Variants in FANCE observed in about 807,000 individuals in gnomAD.
FANCE encodes the protein Fanconi anemia group E protein.
In FANCE, 42 loss-of-function variants were observed where a neutral mutation model predicts 57.8. That is an observed-to-expected ratio of 0.73 (90% confidence interval 0.57 to 0.94). FANCE has a LOEUF of 0.94. Ranked by LOEUF, FANCE falls within the 40% of genes least tolerant of loss-of-function variation. The probability of loss-of-function intolerance (pLI) is 0.00; values close to 1 mark genes in which losing one functional copy is unlikely to be tolerated. For synonymous variants in FANCE, 251 were observed against 286.4 expected, an observed-to-expected ratio of 0.88 and a Z score of 1.25; for missense variants, 608 against 661.8, an observed-to-expected ratio of 0.92 and a Z score of 0.89.
At chr6:35,459,901 T>G (rs45523231) in intron 7 of FANCE, 141 bp downstream of exon 7, 41 of 722,524 alleles carry the variant, frequency 5.7e-5, no homozygotes, top group Non-Finnish European at 8.4e-5. Flanking sequence ...ATCCTCTTTC[T>G]CCTTTATGAG....
At chr6:35,462,119 T>TATTA (rs200925403) in intron 8 of FANCE, among the ~76,000 whole-genome samples, 1 of 149,476 alleles carries the variant, frequency 6.7e-6, no homozygotes, top group African/African-American at 2.5e-5. Flanking sequence ...TAATTATTAT[T>TATTA]TTTTTTGAGA....
Position 35,458,100 on chromosome 6 carries a change from TTC to T in FANCE, c.969+123_969+124del, listed in dbSNP as rs764663325. ...AAATGTGGGAGGGGATTTTGTTGTT[TTC>T]TCTCTCAGCGATAGGGGTCACCCTG... On this transcript the variant is annotated intron_variant, in intron 4 of 9. Transcript: ENST00000229769. The T allele has an allele frequency of 1.1e-4, 139 of 1,274,770 alleles. 1 individual carries two copies. The South Asian group carries it at 1.7e-3, about 15-fold the overall frequency. 79.0% of individuals were successfully genotyped at this position (1,274,770 alleles called of 1,614,324 possible). A position where few individuals can be genotyped will look rare whatever the true frequency, so the allele number is the denominator to read the frequency against.
chr6:35,455,785 G>A lies in FANCE; in HGVS notation c.287G>A (p.Arg96Lys), dbSNP rs2150889903. The A allele has an allele frequency of 6.2e-7, 1 of 1,614,174 alleles. No individual in the cohort carries two copies. Among genetic ancestry groups the A allele is most frequent in the East Asian group, 2.2e-5 (1 of 44,876 alleles). Residue 96 changes from arginine (R) to lysine (K), a missense_variant, in exon 2 of 10, where the codon AGG becomes AAG. By Grantham distance (26) the Arg-to-Lys change is conservative (BLOSUM62 2). Transcript: ENST00000229769. ...LLLRLPRICQ[R>K]NLMSLLMAVR... ...CTGCGATTGCCCCGGATATGCCAGA[G>A]GAACCTGATGTCCCTGCTGATGGCC...
intron 8 of FANCE, among the ~76,000 whole-genome samples, chr6:35,462,396 C>T (rs187738958): frequency 7.2e-5 from 11 of 152,132 alleles, no homozygotes; most frequent in Non-Finnish European, 1.2e-4. Context: ...CATGAGCCAC[C>T]GTGCCTAGCA....
chr6:35,465,247 C>G (rs1001827078), intron 9 of FANCE, among the ~76,000 whole-genome samples: 3 of 152,006 alleles, frequency 2.0e-5, no homozygotes, highest in African/African-American at 7.3e-5. Flanking sequence ...GATCTTGGCT[C>G]ACTGCAACCT....
At chr6:35,458,276 C>T (rs898909148) in intron 4 of FANCE, 21 bp from the exon 5 acceptor site, 3 of 1,612,352 alleles carry the variant, frequency 1.9e-6, no homozygotes, top group Admixed American at 1.7e-5. Flanking sequence ...TGTCCTCTCT[C>T]CCCCCGCACT....
Position 35,460,582 on chromosome 6 carries a change from A to C in FANCE, c.1347A>C (p.Glu449Asp). Residue 449 changes from glutamate to aspartate, a missense_variant, in exon 8 of 10, where the codon GAA becomes GAC. Transcript: ENST00000229769. ...GQILELPWKE[E>D]TFLVLQSLLE... Reference sequence around the variant, plus strand: ...TCTTGGAGCTGCCCTGGAAGGAGGAAACTTTCTTGGTGTTGCAGTCACTCC... The same window carrying C: ...TCTTGGAGCTGCCCTGGAAGGAGGACACTTTCTTGGTGTTGCAGTCACTCC... 6.2e-7 allele frequency: 1 copy of C among 1,614,056 alleles called. No individual in the cohort carries two copies. The highest frequency in any genetic ancestry group is 8.5e-7 in the Non-Finnish European group (1 of 1,179,980).
intron 9 of FANCE, among the ~76,000 whole-genome samples, chr6:35,465,275 G>C (rs1306012614): frequency 6.6e-6 from 1 of 152,134 alleles, no homozygotes; most frequent in Non-Finnish European, 1.5e-5. Flanking sequence ...CTGGGTTCAA[G>C]TGATTCCCCT....
chr6:35,452,852 C>G, intron 1 of FANCE, 59 bp downstream of exon 1: 2 of 1,263,790 alleles, frequency 1.6e-6, no homozygotes, highest in Non-Finnish European at 2.0e-6. Flanking sequence ...GTCGGGGGAA[C>G]GACACACACA....
chr6:35,459,389 G>A lies in FANCE; in HGVS notation c.1172G>A (p.Cys391Tyr), dbSNP rs1767494565. 6.2e-7 allele frequency: 1 copy of A among 1,613,948 alleles called. No individual in the cohort carries two copies. The highest frequency in any genetic ancestry group is 2.2e-5 in the East Asian group (1 of 44,890). The change falls in exon 6 of 10, where the codon TGT becomes TAT. Residue 391 changes from cysteine (C) to tyrosine (Y), a missense_variant. Cys to Tyr is a radical substitution (Grantham distance 194). Transcript: ENST00000229769. The stretch of plus-strand genomic sequence containing the variant: ...CTTACAACTGCCCTGACCTCCTTCT[G>A]TGCCAAATATACATACCCTGTCTGC... ...RLLTTALTSF[C>Y]AKYTYPVCSA...
intron 5 of FANCE, 54 bp from the exon 6 acceptor site, chr6:35,459,277 T>A: frequency 6.2e-7 from 1 of 1,606,946 alleles, no homozygotes; most frequent in Non-Finnish European, 8.5e-7. Flanking sequence ...ATTTGATAAA[T>A]GCTGTTGAAA....
Position 35,466,606 on chromosome 6 carries a change from C to T in FANCE, c.*261C>T. 1 of 481,976 alleles carries T rather than the reference C, an allele frequency of 2.1e-6. No homozygotes were observed. The highest frequency in any genetic ancestry group is 5.9e-4 in the Middle Eastern group (1 of 1,684). The allele number at this position is 481,976 out of a possible 1,614,324, so 29.9% of individuals were successfully genotyped here. ...TTGAGAGAAGGTATTGCTCTGTCAT[C>T]CAGGCTGGAGTGCAGTGATGCGATT... On this transcript the variant is annotated 3_prime_UTR_variant, in exon 10 of 10. Coordinates refer to ENST00000229769, the MANE Select transcript of FANCE (RefSeq NM_021922.3).
chr6:35,459,368 C>T lies in FANCE; in HGVS notation c.1151C>T (p.Thr384Ile). Residue 384 changes from threonine (T) to isoleucine (I), a missense_variant, in exon 6 of 10, where the codon ACA (threonine) becomes ATA (isoleucine). Transcript: ENST00000229769. ...ACTTCCTCAGCCTCCCGCCTGCTTA[C>T]AACTGCCCTGACCTCCTTCTGTGCC... is the stretch of plus-strand genomic sequence containing the variant. ...SLTSSASRLL[T>I]TALTSFCAKY... 6.2e-7 allele frequency: 1 copy of T among 1,614,172 alleles called. No individual in the cohort carries two copies. The highest frequency in any genetic ancestry group is 8.5e-7 in the Non-Finnish European group (1 of 1,180,038).
Position 35,466,293 on chromosome 6 carries a change from C to A in FANCE, c.1559C>A (p.Thr520Asn), listed in dbSNP as rs1246382626. The change falls in exon 10 of 10, where the codon ACC becomes AAC. Residue 520 changes from threonine (T) to asparagine (N), a missense_variant. Transcript: ENST00000229769. ...CTGGCTATGGCCCTAGAACCTAACACCACCTTCCTGAGGAAGTCCCTGAAG... is the reference window on the plus strand; with the variant it reads ...CTGGCTATGGCCCTAGAACCTAACAACACCTTCCTGAGGAAGTCCCTGAAG... ...LGLAMALEPN[T>N]TFLRKSLKAA... 1.2e-6 allele frequency: 2 copies of A among 1,613,962 alleles called. No homozygotes were observed. Among genetic ancestry groups the A allele is most frequent in the Non-Finnish European group, 1.7e-6 (2 of 1,179,934 alleles).
chr6:35,456,443 A>G lies in FANCE; in HGVS notation c.855+90A>G, dbSNP rs979160895. On this transcript the variant is annotated intron_variant, in intron 2 of 9. Transcript: ENST00000229769. The surrounding 1 kb of genome is among the most constrained non-coding windows in gnomAD (Gnocchi z 4.3). ...AGGCTGCTTGGGACACTTTTTCCCA[A>G]TGGAGTTGACTGTAGTTCCTGGAGG... The G allele has an allele frequency of 1.4e-5, 21 of 1,547,980 alleles. No individual in the cohort carries two copies. The highest frequency in any genetic ancestry group is 1.8e-5 in the Non-Finnish European group (20 of 1,121,776).
Position 35,457,918 on chromosome 6 carries a change from G to C in FANCE, c.903G>C (p.Gly301=), listed in dbSNP as rs781287698. ...TAACATGAGATTTGTCTCCCCAGGG[G>C]TTAGAGGGATTGGAGGATGCCCCCC... ...LQQLLKTLEE[G]LEGLEDAPPV... Residue 301 remains glycine, a splice_region_variant and synonymous_variant, in exon 4 of 10, where the codon GGG becomes GGC. Transcript: ENST00000229769. The C allele has an allele frequency of 1.5e-5, 25 of 1,613,912 alleles. No individual in the cohort carries two copies. The highest frequency in any genetic ancestry group is 8.5e-7 in the Non-Finnish European group (1 of 1,179,918).
intron 1 of FANCE, among the ~76,000 whole-genome samples, chr6:35,455,157 T>C (rs1238307365): frequency 6.6e-6 from 1 of 152,206 alleles, no homozygotes; most frequent in African/African-American, 2.4e-5. Context: ...AAAACAAGCA[T>C]GAATCTATTA....
intron 9 of FANCE, among the ~76,000 whole-genome samples, chr6:35,463,954 G>A (rs936822444): frequency 1.4e-4 from 22 of 151,942 alleles, no homozygotes; most frequent in African/African-American, 4.6e-4. Context: ...GTGAGCTGTC[G>A]TGCCCAGACT....
intron 2 of FANCE, among the ~76,000 whole-genome samples, chr6:35,457,301 T>C (rs973320796): frequency 1.3e-5 from 2 of 151,986 alleles, no homozygotes; most frequent in Admixed American, 1.3e-4. Context: ...TAATTTTTTA[T>C]ATTTATTTTT....
Sources: gnomAD v4.1 joint callset for allele counts (sites outside exome capture counted in the v4.1 genomes callset) on GRCh38, gnomAD v4.1.1 for gene constraint, Gnocchi (gnomAD v3.1) non-coding constraint, MANE v1.5 for transcripts, NCBI Gene and HGNC (gene_info 2026-07-23, HGNC 2026-07-21) for gene names.